Variants in KIF4A observed in about 807,000 individuals in gnomAD.
KIF4A encodes kinesin family member 4A.
KIF4A carries 7 observed loss-of-function variants against 105.9 expected under a neutral mutation model. The ratio of observed to expected loss-of-function variants is 0.07; its 90% CI spans 0.04 to 0.12. The LOEUF (loss-of-function observed/expected upper bound fraction) is 0.12, where lower values mean the gene tolerates loss of function less well. Ranked by LOEUF, KIF4A falls within the 10% of genes least tolerant of loss-of-function variation. The probability of loss-of-function intolerance (pLI) is 1.00; values close to 1 mark genes in which losing one functional copy is unlikely to be tolerated. For synonymous variants in KIF4A, 281 were observed against 331.3 expected (o/e 0.85, Z 1.65); for missense variants, 558 against 929.2 (o/e 0.60, Z 5.19).
At chrX:70,368,537 A>G (rs777731801) in intron 15 of KIF4A, among the ~76,000 whole-genome samples, 8 of 112,140 alleles carry the variant, frequency 7.1e-5, no homozygotes, top group Non-Finnish European at 1.1e-4. Flanking sequence ...TTGCCTGGGT[A>G]TCAGCAGCGG....
intron 9 of KIF4A, among the ~76,000 whole-genome samples, chrX:70,332,648 T>C (rs2085935295): frequency 9.0e-6 from 1 of 111,380 alleles, no homozygotes; most frequent in African/African-American, 3.3e-5. Flanking sequence ...CATATTTTAA[T>C]CTGAATAGGA....
intron 15 of KIF4A, among the ~76,000 whole-genome samples, chrX:70,372,004 T>C (rs2086138886): frequency 9.9e-6 from 1 of 101,457 alleles, no homozygotes. Flanking sequence ...ACATCCCAGA[T>C]GGGGCGGCAG....
chrX:70,391,016 A>T (rs1466143772), intron 20 of KIF4A, among the ~76,000 whole-genome samples: 2 of 112,103 alleles, frequency 1.8e-5, no homozygotes, highest in African/African-American at 6.5e-5. Context: ...CTGTTGAAGG[A>T]TATCTTAGGT....
At chrX:70,417,219 T>C (rs1321719608) in intron 28 of KIF4A, among the ~76,000 whole-genome samples, 1 of 112,622 alleles carries the variant, frequency 8.9e-6, no homozygotes, top group Non-Finnish European at 1.9e-5. Flanking sequence ...AATGGATTTT[T>C]CAGCCAGGCG....
In KIF4A at chrX:70,290,521, C is replaced by A; in HGVS notation, c.63C>A (p.Pro21=). 2.5e-6 allele frequency: 3 copies of A among 1,211,792 alleles called. No individual in the cohort carries two copies. The highest frequency in any genetic ancestry group is 3.4e-6 in the Non-Finnish European group (3 of 895,438). ...RVALRCRPLV[P]KEISEGCQMC... ...CGCTGCGTTGTCGCCCTCTGGTCCC[C>A]AAAGAGATTAGCGAGGGCTGCCAGA... The change falls in exon 2 of 31, where the codon CCC becomes CCA. Residue 21 remains proline, a synonymous_variant. Transcript: ENST00000374403.
chrX:70,307,713 G>C (rs763436092), intron 7 of KIF4A, among the ~76,000 whole-genome samples: 3 of 111,813 alleles, frequency 2.7e-5, no homozygotes, highest in Non-Finnish European at 3.8e-5. Context: ...TTAGTCTATT[G>C]ATATGGTATA....
chrX:70,327,053 C>CT (rs775487842), intron 7 of KIF4A, among the ~76,000 whole-genome samples: 42 of 111,587 alleles, frequency 3.8e-4, no homozygotes, highest in Non-Finnish European at 7.3e-4. Context: ...GCAGTCTCTC[C>CT]TTTACATCTA....
intron 15 of KIF4A, among the ~76,000 whole-genome samples, chrX:70,370,290 G>T (rs2086125097): frequency 9.0e-6 from 1 of 110,570 alleles, no homozygotes; most frequent in African/African-American, 3.3e-5. Context: ...TGGAAGGTAT[G>T]CATCAAGCTG....
intron 7 of KIF4A, among the ~76,000 whole-genome samples, chrX:70,326,308 C>T (rs1341110331): frequency 1.8e-5 from 2 of 111,623 alleles, no homozygotes; most frequent in Non-Finnish European, 3.8e-5. Context: ...CATCTTTGGC[C>T]TTTACCCGAT....
intron 15 of KIF4A, chrX:70,362,239 T>C: frequency 2.8e-6 from 1 of 356,290 alleles, no homozygotes. Context: ...GCCTTCCCCA[T>C]TGAGGAGATC....
intron 13 of KIF4A, among the ~76,000 whole-genome samples, chrX:70,347,057 G>A (rs1250179523): frequency 8.9e-6 from 1 of 112,007 alleles, no homozygotes; most frequent in Non-Finnish European, 1.9e-5. Context: ...TCCTTGTGCA[G>A]TTACCTGTGA....
intron 20 of KIF4A, among the ~76,000 whole-genome samples, chrX:70,391,922 C>T (rs2086238839): frequency 9.4e-6 from 1 of 106,165 alleles, no homozygotes; most frequent in Non-Finnish European, 1.9e-5. Context: ...CCTCCAGTTG[C>T]ATTCATGTTA....
At chrX:70,362,094 G>A (rs781347494) in intron 15 of KIF4A, 16 of 165,543 alleles carry the variant, frequency 9.7e-5, no homozygotes, top group Middle Eastern at 2.3e-3. Flanking sequence ...CTCTTGGAAC[G>A]TCTTTGAACT....
Position 70,346,582 on chromosome X carries a change from G to A in KIF4A, c.1431+2600G>A, listed in dbSNP as rs1249583043. Among the ~76,000 whole-genome samples, 4 of 111,845 alleles carry A rather than the reference G, an allele frequency of 3.6e-5. No individual in the cohort carries two copies. In the Admixed American group the frequency reaches 3.8e-4, roughly 11 times the overall value. ...CCTGTAGAGGGAGTTGCTAGTGGTG[G>A]CTGGCTCAGAGGAACTCCGTAGAAT... On this transcript the variant is annotated intron_variant, in intron 13 of 30. Coordinates refer to ENST00000374403, the MANE Select transcript of KIF4A (RefSeq NM_012310.5).
chrX:70,374,988 A>G (rs773425862), intron 16 of KIF4A, among the ~76,000 whole-genome samples: 6 of 112,460 alleles, frequency 5.3e-5, no homozygotes, highest in African/African-American at 1.9e-4. Flanking sequence ...AGGCAGTTGC[A>G]TTGCTGTGTA....
intron 18 of KIF4A, 44 bp downstream of exon 18, chrX:70,376,254 C>T (rs2086174713): frequency 1.3e-6 from 1 of 744,387 alleles, no homozygotes; most frequent in South Asian, 2.5e-5. Context: ...ATAAACCCTT[C>T]TCTGAGCTGA....
intron 22 of KIF4A, among the ~76,000 whole-genome samples, chrX:70,396,760 G>A (rs185427135): frequency 8.3e-4 from 93 of 112,444 alleles, no homozygotes; most frequent in Non-Finnish European, 3.6e-4. Context: ...GTGCATAACA[G>A]TACTTAGCAT....
In KIF4A at chrX:70,356,072, G is replaced by A. The variant is rs749135309; in HGVS notation, c.1674+2265G>A. 1.7e-3 allele frequency among the ~76,000 whole-genome samples: 193 copies of A among 110,731 alleles called. 2 individuals are homozygous for A. The highest frequency in any genetic ancestry group is 4.7e-3 in the Middle Eastern group (1 of 213). On this transcript the variant is annotated intron_variant, in intron 15 of 30. Coordinates refer to ENST00000374403, the MANE Select transcript of KIF4A (RefSeq NM_012310.5). Reference sequence around the variant, plus strand: ...CAGTGGGCAGATCACTTGAGCCCAGGAGTTTGAGACCAGCCTGGGCAACAT... The same window carrying A: ...CAGTGGGCAGATCACTTGAGCCCAGAAGTTTGAGACCAGCCTGGGCAACAT...
chrX:70,332,800 G>A lies in KIF4A; in HGVS notation c.1072-828G>A, dbSNP rs184653823. On this transcript the variant is annotated intron_variant, in intron 9 of 30. Transcript: ENST00000374403. Reference sequence around the variant, plus strand: ...TGGGAGGCAGAACAGCTCCCCTTGTGTCATAGGAGGGAATGGGAGAGGATG... The same window carrying A: ...TGGGAGGCAGAACAGCTCCCCTTGTATCATAGGAGGGAATGGGAGAGGATG... Among the ~76,000 whole-genome samples, 466 of 111,274 alleles carry A rather than the reference G, an allele frequency of 4.2e-3. 4 individuals carry two copies. Among genetic ancestry groups the A allele is most frequent in the African/African-American group, 0.014 (439 of 30,605 alleles).
Sources: allele counts gnomAD v4.1 joint callset (sites outside exome capture counted in the v4.1 genomes callset), GRCh38; gene constraint gnomAD v4.1.1; transcripts MANE v1.5; gene names NCBI Gene and HGNC (gene_info 2026-07-23, HGNC 2026-07-21).